SH3PXD2A: variants seen among roughly 807,000 people sequenced by gnomAD.
SH3PXD2A encodes the protein SH3 and PX domain-containing protein 2A.
A neutral mutation model predicts 115.2 loss-of-function variants in SH3PXD2A; 32 were observed. That is an observed-to-expected ratio of 0.28 (90% CI 0.21 to 0.37). The LOEUF (loss-of-function observed/expected upper bound fraction) is 0.37. SH3PXD2A is among the 10% of genes least tolerant of loss of function. The pLI, the probability that SH3PXD2A is intolerant of heterozygous loss-of-function variation, is 1.00. For synonymous variants in SH3PXD2A, 610 were observed against 629.1 expected, an observed-to-expected ratio of 0.97 and a Z score of 0.45; for missense variants, 1,328 against 1,498.7, an observed-to-expected ratio of 0.89 and a Z score of 1.88.
At chr10:103,741,168 G>A (rs1229202622) in intron 3 of SH3PXD2A, among the ~76,000 whole-genome samples, 3 of 152,180 alleles carry the variant, frequency 2.0e-5, no homozygotes, top group Admixed American at 2.0e-4. Context: ...GCTGTGCAAA[G>A]CTCTGGAACA....
In SH3PXD2A at chr10:103,681,758, CCGCG is replaced by C. The variant is rs59908558; in HGVS notation, c.427+11266_427+11269del. On this transcript the variant is annotated intron_variant, in intron 6 of 14. Transcript: ENST00000369774. ...GACTCCATCACACACACACACGCGC[CCGCG>C]CGCGCGCGCGCACACACACAAAATG... Among the ~76,000 whole-genome samples the C allele has an allele frequency of 1.5e-3, 220 of 147,644 alleles. 1 individual carries two copies. Among genetic ancestry groups the C allele is most frequent in the Middle Eastern group, 6.9e-3 (2 of 288 alleles).
At chr10:103,773,127 G>A (rs554609973) in intron 2 of SH3PXD2A, among the ~76,000 whole-genome samples, 17 of 151,778 alleles carry the variant, frequency 1.1e-4, no homozygotes, top group Admixed American at 3.3e-4. Flanking sequence ...AGGAGGCTGA[G>A]GCAGGTGAAT....
At chr10:103,782,927 A>G (rs1194824563) in intron 2 of SH3PXD2A, among the ~76,000 whole-genome samples, 2 of 141,306 alleles carry the variant, frequency 1.4e-5, no homozygotes, top group East Asian at 2.1e-4. Flanking sequence ...AAATGAATGC[A>G]TGCCTTGGGG....
At chr10:103,694,252 G>A (rs1392908465) in intron 5 of SH3PXD2A, among the ~76,000 whole-genome samples, 2 of 142,870 alleles carry the variant, frequency 1.4e-5, no homozygotes, top group East Asian at 2.3e-4. Flanking sequence ...AAACTAGCCC[G>A]CTAGTCTGCC....
intron 2 of SH3PXD2A, among the ~76,000 whole-genome samples, chr10:103,797,743 G>A (rs1481339152): frequency 2.0e-5 from 3 of 151,648 alleles, no homozygotes; most frequent in African/African-American, 7.3e-5. Context: ...GGGGGTGAGG[G>A]GGTGGGGAAG....
Position 103,620,920 on chromosome 10 carries a change from G to GTGTGTATGTTGCGTATA in SH3PXD2A, c.802+1533_802+1549dup, listed in dbSNP as rs1412499229. On this transcript the variant is annotated intron_variant, in intron 10 of 14. Coordinates refer to ENST00000369774, the MANE Select transcript of SH3PXD2A (RefSeq NM_001394015.1). The surrounding 1 kb of genome is among the most constrained non-coding windows in gnomAD (Gnocchi z 5.3). ...TGCTGTGGAGGAATGGGTGGCGTATGTGTGTATGTTGCGTATATGTGTGTG... is the reference window on the plus strand; with the variant it reads ...TGCTGTGGAGGAATGGGTGGCGTATGTGTGTATGTTGCGTATATGTGTATGTTGCGTATATGTGTGTG... Among the ~76,000 whole-genome samples the GTGTGTATGTTGCGTATA allele has an allele frequency of 2.4e-4, 36 of 152,290 alleles. No individual in the cohort carries two copies. The highest frequency in any genetic ancestry group is 8.2e-4 in the African/African-American group (34 of 41,546).
chr10:103,719,500 T>A (rs897381315), intron 5 of SH3PXD2A, among the ~76,000 whole-genome samples: 2 of 152,160 alleles, frequency 1.3e-5, no homozygotes, highest in African/African-American at 4.8e-5. Context: ...CAATCATTCA[T>A]CCAACAGAGA....
rs1487854054 is a variant in SH3PXD2A at position 103,620,297 on chromosome 10, G to T, written c.802+2173C>A. 6.6e-6 allele frequency among the ~76,000 whole-genome samples: 1 copy of T among 152,154 alleles called. No individual in the cohort carries two copies. The highest frequency in any genetic ancestry group is 1.9e-4 in the East Asian group (1 of 5,178). On this transcript the variant is annotated intron_variant, in intron 10 of 14. Coordinates refer to ENST00000369774, the MANE Select transcript of SH3PXD2A (RefSeq NM_001394015.1). The surrounding 1 kb of genome is among the most constrained non-coding windows in gnomAD (Gnocchi z 5.3). ...AGACGGTGGCAGCCTGCCCTGGGGA[G>T]GGCTGGCCAGGCGGTCAGCCGGGTG... is the stretch of plus-strand genomic sequence containing the variant.
chr10:103,763,684 C>A (rs2038724319), intron 3 of SH3PXD2A, among the ~76,000 whole-genome samples: 1 of 152,168 alleles, frequency 6.6e-6, no homozygotes, highest in Non-Finnish European at 1.5e-5. Context: ...CGGCTCCTCC[C>A]CTCAGTGCTG....
intron 1 of SH3PXD2A, among the ~76,000 whole-genome samples, chr10:103,848,881 T>C (rs996972672): frequency 6.6e-6 from 1 of 151,792 alleles, no homozygotes; most frequent in African/African-American, 2.4e-5. Context: ...CTAAGCTCTT[T>C]ACAATTACAA....
intron 1 of SH3PXD2A, among the ~76,000 whole-genome samples, chr10:103,826,631 G>A (rs992717541): frequency 6.6e-6 from 1 of 152,198 alleles, no homozygotes; most frequent in African/African-American, 2.4e-5. Context: ...TCCCCCTAGT[G>A]AGTGTAATTC....
chr10:103,683,487 G>A (rs1209729587), intron 6 of SH3PXD2A, among the ~76,000 whole-genome samples: 2 of 152,052 alleles, frequency 1.3e-5, no homozygotes, highest in African/African-American at 4.8e-5. Context: ...CTGGGTGACA[G>A]AGCAAGACTG....
At chr10:103,731,171 T>G (rs551946393) in intron 4 of SH3PXD2A, among the ~76,000 whole-genome samples, 88 of 151,654 alleles carry the variant, frequency 5.8e-4, no homozygotes, top group Admixed American at 1.1e-3. Flanking sequence ...TTTTGTTTTT[T>G]TTTTTTTGAA....
chr10:103,775,936 C>T (rs1405322023), intron 2 of SH3PXD2A, among the ~76,000 whole-genome samples: 1 of 152,152 alleles, frequency 6.6e-6, no homozygotes, highest in Admixed American at 6.5e-5. Context: ...TCGATAATAA[C>T]ACACACTCAC....
At chr10:103,724,039 C>T (rs530261917) in intron 5 of SH3PXD2A, among the ~76,000 whole-genome samples, 1 of 152,180 alleles carries the variant, frequency 6.6e-6, no homozygotes, top group Non-Finnish European at 1.5e-5. Context: ...TCCACAAATG[C>T]AGAGACACTC....
At chr10:103,608,417 C>T (rs1334696667) in intron 13 of SH3PXD2A, among the ~76,000 whole-genome samples, 1 of 119,398 alleles carries the variant, frequency 8.4e-6, no homozygotes, top group Non-Finnish European at 1.7e-5. Context: ...ATAAAGACAC[C>T]ATTCCATGTC....
rs199842369 is a variant in SH3PXD2A at position 103,728,889 on chromosome 10, G to GTTTTT, written c.307-4529_307-4528insAAAAA. 3.0e-3 allele frequency among the ~76,000 whole-genome samples: 426 copies of GTTTTT among 142,786 alleles called. 8 individuals are homozygous for GTTTTT. Among genetic ancestry groups the GTTTTT allele is most frequent in the African/African-American group, 0.011 (405 of 37,342 alleles). The allele number at this position is 142,786 out of a possible 152,430, so 93.7% of individuals were successfully genotyped here. On this transcript the variant is annotated intron_variant, in intron 4 of 14. Coordinates refer to ENST00000369774, the MANE Select transcript of SH3PXD2A (RefSeq NM_001394015.1). ...TAGCAAAGAGTTGTTTTTTTTGTTT[G>GTTTTT]TTTGTTTGTTTTTTTTTTTTTGAGA...
At position 103,668,621 on chromosome 10, in the gene SH3PXD2A, C is replaced by T. The variant is rs776026235; in HGVS notation, c.459G>A (p.Lys153=). The change falls in exon 7 of 15, where the codon AAG becomes AAA. Residue 153 remains lysine (K), a synonymous_variant. Coordinates refer to ENST00000369774, the MANE Select transcript of SH3PXD2A (RefSeq NM_001394015.1). ...GCTGGGCAGTACCTGTCACGTCCTTCTTGGGCGACTCAGCCCAGCTGGACA... is the reference window on the plus strand; with the variant it reads ...GCTGGGCAGTACCTGTCACGTCCTTTTTGGGCGACTCAGCCCAGCTGGACA... ...VWLSSWAESP[K]KDVTGADATA... 3 of 1,557,482 alleles carry T rather than the reference C, an allele frequency of 1.9e-6. No homozygotes were observed. The East Asian group carries it at 7.2e-5, about 37-fold the overall frequency.
intron 3 of SH3PXD2A, among the ~76,000 whole-genome samples, chr10:103,742,022 G>A (rs1446049628): frequency 5.9e-5 from 9 of 152,174 alleles, no homozygotes; most frequent in Non-Finnish European, 1.2e-4. Flanking sequence ...GGTGGCGCAC[G>A]CCTGTGATCC....
Sources: allele counts gnomAD v4.1 joint callset (sites outside exome capture counted in the v4.1 genomes callset), GRCh38; gene constraint gnomAD v4.1.1; non-coding constraint Gnocchi (gnomAD v3.1); transcripts MANE v1.5; gene names NCBI Gene and HGNC (gene_info 2026-07-23, HGNC 2026-07-21).